Variants in MTCL2 observed in about 807,000 individuals in gnomAD.
The protein encoded by MTCL2 is microtubule crosslinking factor 2, also known as microtubule cross-linking factor 2.
At chr20:36,862,153 C>T in the MTCL2 span, among the ~76,000 whole-genome samples, 2 of 152,224 alleles carry the variant, frequency 1.3e-5, no homozygotes, top group African/African-American at 4.8e-5. Context: ...TCAAACTGGA[C>T]CCGCCCAGAA....
chr20:36,815,786 C>A, the MTCL2 span: 1 of 1,591,454 alleles, frequency 6.3e-7, no homozygotes, highest in Non-Finnish European at 8.6e-7. The surrounding 1 kb of genome is among the most constrained non-coding windows in gnomAD (Gnocchi z 5.3). Context: ...CCACGTCCAG[C>A]TCGTGCTCCG....
At chr20:36,793,555 C>A in the MTCL2 span, 1 of 1,551,602 alleles carries the variant, frequency 6.4e-7, no homozygotes, top group Non-Finnish European at 8.7e-7. This position sits in a 1 kb window ranked among gnomAD's most constrained non-coding sequence, Gnocchi z 6.8. Flanking sequence ...TGCCTAGTTT[C>A]CAGACAGACT....
chr20:36,805,828 G>A, the MTCL2 span: 2 of 1,572,676 alleles, frequency 1.3e-6, no homozygotes, highest in African/African-American at 1.4e-5. Context: ...GACACAACAG[G>A]ACCGGGAAGG....
the MTCL2 span, chr20:36,815,089 AAAAT>A: frequency 4.0e-5 from 61 of 1,516,052 alleles, no homozygotes; most frequent in East Asian, 1.0e-3. This position sits in a 1 kb window ranked among gnomAD's most constrained non-coding sequence, Gnocchi z 5.3. Context: ...ACAAAGGAAA[AAAAT>A]AAATAATAGG....
chr20:36,793,632 C>T, the MTCL2 span: 1 of 1,551,398 alleles, frequency 6.4e-7, no homozygotes, highest in East Asian at 2.4e-5. This position sits in a 1 kb window ranked among gnomAD's most constrained non-coding sequence, Gnocchi z 6.8. Context: ...TTTCTCAATA[C>T]AGGGCTGTCC....
the MTCL2 span, chr20:36,797,661 C>T: frequency 3.9e-5 from 49 of 1,244,988 alleles, no homozygotes; most frequent in Admixed American, 6.7e-4. Context: ...CCAGACTCCA[C>T]TCTGCAGCCC....
At chr20:36,812,653 TCA>T in the MTCL2 span, 2 of 1,598,676 alleles carry the variant, frequency 1.3e-6, no homozygotes, top group Non-Finnish European at 8.6e-7. Flanking sequence ...TTGACAGGGC[TCA>T]GTCACTCTCC....
chr20:36,805,592 T>C, the MTCL2 span, among the ~76,000 whole-genome samples: 5 of 152,140 alleles, frequency 3.3e-5, no homozygotes, highest in Non-Finnish European at 7.3e-5. Flanking sequence ...TTAGGTAAAC[T>C]CCTATACATC....
At chr20:36,844,167 C>T in the MTCL2 span, among the ~76,000 whole-genome samples, 8 of 151,968 alleles carry the variant, frequency 5.3e-5, no homozygotes, top group East Asian at 3.9e-4. Context: ...ACCCAGGAGG[C>T]GGAGGTTGCA....
the MTCL2 span, chr20:36,783,081 T>C: frequency 6.6e-6 from 1 of 152,044 alleles, no homozygotes; most frequent in Non-Finnish European, 1.5e-5. Context: ...GATGGAACCA[T>C]GTCAGCAAGG....
At chr20:36,800,722 A>G in the MTCL2 span, among the ~76,000 whole-genome samples, 3 of 152,104 alleles carry the variant, frequency 2.0e-5, no homozygotes, top group Non-Finnish European at 4.4e-5. Flanking sequence ...GCTCACCTTC[A>G]GTAGAAGTCA....
chr20:36,858,463 AACACACACACACACACAC>A, the MTCL2 span, among the ~76,000 whole-genome samples: 97 of 25,710 alleles, frequency 3.8e-3, 3 homozygotes, highest in South Asian at 0.011. Flanking sequence ...AAGGAGGGAA[AACACACACACACACACAC>A]ACACACACAC....
At chr20:36,837,125 C>T in the MTCL2 span, among the ~76,000 whole-genome samples, 1 of 152,252 alleles carries the variant, frequency 6.6e-6, no homozygotes, top group Non-Finnish European at 1.5e-5. Context: ...TTTCCCCCTT[C>T]CTGGCTCAGG....
At chr20:36,809,978 G>T in the MTCL2 span, 2 of 1,598,598 alleles carry the variant, frequency 1.3e-6, no homozygotes, top group Non-Finnish European at 1.7e-6. Flanking sequence ...TGGGCACCAC[G>T]CACCTGGACC....
chr20:36,847,711 A>G, the MTCL2 span, among the ~76,000 whole-genome samples: 3 of 152,158 alleles, frequency 2.0e-5, no homozygotes, highest in African/African-American at 4.8e-5. Flanking sequence ...AAAATTAGCC[A>G]GGCATGGTGC....
chr20:36,821,117 C>T, the MTCL2 span, among the ~76,000 whole-genome samples: 6 of 152,348 alleles, frequency 3.9e-5, 1 homozygote, highest in African/African-American at 1.2e-4. Context: ...AGGCAACCAA[C>T]GTAACCAGAG....
At chr20:36,825,386 T>G in the MTCL2 span, among the ~76,000 whole-genome samples, 1 of 152,226 alleles carries the variant, frequency 6.6e-6, no homozygotes, top group South Asian at 2.1e-4. Context: ...AACAATGTGC[T>G]GGTGTGGTCA....
At chr20:36,787,005 T>C in the MTCL2 span, among the ~76,000 whole-genome samples, 9 of 152,094 alleles carry the variant, frequency 5.9e-5, no homozygotes, top group African/African-American at 2.2e-4. Flanking sequence ...TCCTTTTTTT[T>C]CGTTTGAGAC....
chr20:36,810,897 T>C, the MTCL2 span, among the ~76,000 whole-genome samples: 3 of 152,124 alleles, frequency 2.0e-5, no homozygotes, highest in Non-Finnish European at 2.9e-5. Flanking sequence ...TTTTTGTATA[T>C]TTTTGATAGA....
Sources: gnomAD v4.1 joint callset for allele counts (sites outside exome capture counted in the v4.1 genomes callset) on GRCh38, gnomAD v4.1.1 for gene constraint, Gnocchi (gnomAD v3.1) non-coding constraint, MANE v1.5 for transcripts, NCBI Gene and HGNC (gene_info 2026-07-23, HGNC 2026-07-21) for gene names.